VPS13C: variants seen among roughly 807,000 people sequenced by gnomAD.
The protein encoded by VPS13C is intermembrane lipid transfer protein VPS13C.
VPS13C carries 358 observed loss-of-function variants against 456.8 expected under a neutral mutation model. The ratio of observed to expected loss-of-function variants is 0.78; its 90% CI spans 0.72 to 0.86. The LOEUF (loss-of-function observed/expected upper bound fraction) is 0.86. VPS13C is among the 40% of genes least tolerant of loss of function. The probability of loss-of-function intolerance (pLI) is 0.00; values close to 1 mark genes in which losing one functional copy is unlikely to be tolerated. For missense variants in VPS13C, 4,818 were observed against 4,385.4 expected (o/e 1.10, Z -2.79); for synonymous variants, 1,578 against 1,486.7 (o/e 1.06, Z -1.41).
chr15:61,972,501 T>C (rs2045585215), intron 27 of VPS13C, 124 bp downstream of exon 27: 5 of 944,394 alleles, frequency 5.3e-6, no homozygotes, highest in Non-Finnish European at 7.9e-6. Context: ...TGCATGTGTG[T>C]TGGGCAGCAG....
chr15:61,910,567 GTTGA>G (rs921695103), intron 63 of VPS13C, among the ~76,000 whole-genome samples: 7 of 152,146 alleles, frequency 4.6e-5, no homozygotes, highest in South Asian at 2.1e-4. Flanking sequence ...TGAGGAGCCT[GTTGA>G]TTAAGAATTA....
intron 18 of VPS13C, among the ~76,000 whole-genome samples, chr15:61,985,622 A>G (rs187176093): frequency 3.5e-4 from 53 of 152,326 alleles, no homozygotes; most frequent in African/African-American, 1.1e-3. Context: ...TAAAGATTCA[A>G]TTCAGCAGCT....
rs141895961 is a variant in VPS13C, at chr15:61,880,699, A to G, written c.9912T>C (p.Ile3304=). Residue 3304 remains isoleucine (I), a synonymous_variant, in exon 73 of 85, where the codon ATT becomes ATC. Coordinates refer to ENST00000644861, the MANE Select transcript of VPS13C (RefSeq NM_020821.3). ...RRRTKLIQQD[I]DALNAELMET... Reference sequence around the variant, plus strand: ...CCATTAATTCTGCATTTAGAGCATCAATATCTTGTTGGATTAACTTTGTCT... The same window carrying G: ...CCATTAATTCTGCATTTAGAGCATCGATATCTTGTTGGATTAACTTTGTCT... 5.7e-6 allele frequency: 9 copies of G among 1,589,602 alleles called. No individual in the cohort carries two copies. In the African/African-American group the frequency reaches 8.2e-5, roughly 14 times the overall value.
At chr15:61,857,959 C>T (rs1002832035) in intron 82 of VPS13C, among the ~76,000 whole-genome samples, 16 of 152,108 alleles carry the variant, frequency 1.1e-4, no homozygotes, top group African/African-American at 3.6e-4. Flanking sequence ...ACATCCCTAG[C>T]CCCAGCCTAG....
In VPS13C at chr15:61,882,711, T is replaced by C; in HGVS notation, c.9509A>G (p.Glu3170Gly). The C allele has an allele frequency of 1.3e-6, 2 of 1,587,982 alleles. No homozygotes were observed. Among genetic ancestry groups the C allele is most frequent in the African/African-American group, 2.7e-5 (2 of 73,848 alleles). ...FEVNFDKDPM[E>G]MRLPIRSPIK... ...AGGGCTACGAATAGGGAGGCGCATT[T>C]CCATTGGATCTTTATCAAAATTGAC... The change falls in exon 69 of 85, where the codon GAA becomes GGA. Residue 3170 changes from glutamate to glycine, a missense_variant. Transcript: ENST00000644861.
rs1302949529 is a variant in VPS13C at position 61,983,816 on chromosome 15, T to C, written c.1914+4A>G. On this transcript the variant is annotated splice_donor_region_variant and intron_variant, in intron 20 of 84. Coordinates refer to ENST00000644861, the MANE Select transcript of VPS13C (RefSeq NM_020821.3). The stretch of plus-strand genomic sequence containing the variant: ...ATAAAGAGTTACTTTCTCCTTGCAC[T>C]TACAGCATCATAGATGACCTCCACA... 2 of 1,613,124 alleles carry C rather than the reference T, an allele frequency of 1.2e-6. No homozygotes were observed. The highest frequency in any genetic ancestry group is 1.7e-6 in the Non-Finnish European group (2 of 1,179,778).
intron 53 of VPS13C, among the ~76,000 whole-genome samples, chr15:61,923,079 T>C (rs75896175): frequency 1.3e-5 from 2 of 152,166 alleles, no homozygotes; most frequent in Non-Finnish European, 2.9e-5. Flanking sequence ...AGCAAAACAG[T>C]GTTATGTGAA....
chr15:61,993,539 T>C (rs977798803), intron 16 of VPS13C, among the ~76,000 whole-genome samples: 4 of 152,118 alleles, frequency 2.6e-5, no homozygotes, highest in Admixed American at 2.6e-4. Flanking sequence ...AAGCCATTAT[T>C]AGCATTAGCG....
rs564383235 is a variant in VPS13C, at chr15:61,981,266, A to C, written c.2166+76T>G. On this transcript the variant is annotated intron_variant, in intron 22 of 84. Transcript: ENST00000644861. ...TTTAGTTTAGTGAACTCTGAAGAAA[A>C]AAACAGCAAACTGTTGGAGAGTTAG... 2.1e-6 allele frequency: 3 copies of C among 1,460,568 alleles called. No individual in the cohort carries two copies. The East Asian group carries it at 7.3e-5, about 36-fold the overall frequency. 90.5% of individuals were successfully genotyped at this position (1,460,568 alleles called of 1,614,324 possible).
chr15:61,852,781 G>T lies in VPS13C; in HGVS notation c.*1676C>A, dbSNP rs980785959. 27 of 152,108 alleles carry T rather than the reference G, an allele frequency of 1.8e-4. No homozygotes were observed. Among genetic ancestry groups the T allele is most frequent in the African/African-American group, 5.1e-4 (21 of 41,508 alleles). The allele number at this position is 152,108 out of a possible 1,614,324, so 9.4% of individuals were successfully genotyped here. A position where few individuals can be genotyped will look rare whatever the true frequency, so the allele number is the denominator to read the frequency against. ...ATACTTTACAGAAAAAAATAATTTT[G>T]AAAAAGTAATGACAAACAGAGATCA... On this transcript the variant is annotated 3_prime_UTR_variant, in exon 85 of 85. Transcript: ENST00000644861.
rs1264700876 is a variant in VPS13C at position 61,915,619 on chromosome 15, G to A, written c.8445+14C>T. 4.5e-6 allele frequency: 7 copies of A among 1,560,806 alleles called. No homozygotes were observed. Among genetic ancestry groups the A allele is most frequent in the Non-Finnish European group, 5.2e-6 (6 of 1,159,918 alleles). On this transcript the variant is annotated intron_variant, in intron 61 of 84. Transcript: ENST00000644861. Reference sequence around the variant, plus strand: ...ATTTATCTGCTTTAACTTATTATGTGAACAAAACCACACCTTATTTTTAGT... The same window carrying A: ...ATTTATCTGCTTTAACTTATTATGTAAACAAAACCACACCTTATTTTTAGT...
At position 62,013,996 on chromosome 15, in the gene VPS13C, A is replaced by C; in HGVS notation, c.685-4T>G. The C allele has an allele frequency of 2.5e-6, 4 of 1,608,262 alleles. No homozygotes were observed. The highest frequency in any genetic ancestry group is 3.4e-6 in the Non-Finnish European group (4 of 1,176,544). On this transcript the variant is annotated splice_polypyrimidine_tract_variant and splice_region_variant and intron_variant, in intron 9 of 84. Transcript: ENST00000644861. Reference sequence around the variant, plus strand: ...GAGTCCAGTGTTCATTTGCAGTCTAAAAGAAAAAAGGGAATACCTGTGAAA... The same window carrying C: ...GAGTCCAGTGTTCATTTGCAGTCTACAAGAAAAAAGGGAATACCTGTGAAA...
In VPS13C at chr15:61,967,361, C is replaced by A; in HGVS notation, c.2991+7G>T. 3 of 1,598,816 alleles carry A rather than the reference C, an allele frequency of 1.9e-6. No individual in the cohort carries two copies. Among genetic ancestry groups the A allele is most frequent in the Non-Finnish European group, 2.6e-6 (3 of 1,170,524 alleles). On this transcript the variant is annotated splice_region_variant and intron_variant, in intron 29 of 84. Coordinates refer to ENST00000644861, the MANE Select transcript of VPS13C (RefSeq NM_020821.3). The stretch of plus-strand genomic sequence containing the variant: ...CAATAAATATATAATCATTCTATAG[C>A]CCTTACCTTAATATACTCCACTTTC...
At chr15:61,936,346 T>G (rs978008813) in intron 48 of VPS13C, among the ~76,000 whole-genome samples, 1 of 152,186 alleles carries the variant, frequency 6.6e-6, no homozygotes, top group Non-Finnish European at 1.5e-5. Flanking sequence ...GCCACTTCAG[T>G]GCCTAGTGAA....
intron 67 of VPS13C, among the ~76,000 whole-genome samples, chr15:61,889,026 T>C (rs980618145): frequency 2.0e-5 from 3 of 152,140 alleles, no homozygotes; most frequent in Non-Finnish European, 4.4e-5. Context: ...TCAAAAAAAG[T>C]GATTTTTAAA....
chr15:62,010,691 T>A, intron 12 of VPS13C, 92 bp from the exon 13 acceptor site: 1 of 1,246,606 alleles, frequency 8.0e-7, no homozygotes, highest in Non-Finnish European at 1.1e-6. Context: ...ACTCTAGAAG[T>A]AAAGAAAAAT....
At chr15:62,024,624 C>A (rs1245109816) in intron 6 of VPS13C, among the ~76,000 whole-genome samples, 1 of 152,028 alleles carries the variant, frequency 6.6e-6, no homozygotes, top group Non-Finnish European at 1.5e-5. Flanking sequence ...AGATTGATGT[C>A]TTTTAAAATA....
intron 30 of VPS13C, among the ~76,000 whole-genome samples, chr15:61,965,479 T>C (rs573223165): frequency 2.0e-5 from 3 of 152,002 alleles, no homozygotes; most frequent in African/African-American, 4.8e-5. Flanking sequence ...AGTTTTCTAA[T>C]AGCAAATTAA....
intron 32 of VPS13C, among the ~76,000 whole-genome samples, 171 bp downstream of exon 32, chr15:61,963,664 G>C (rs1359007514): frequency 6.6e-6 from 1 of 151,984 alleles, no homozygotes; most frequent in African/African-American, 2.4e-5. Context: ...GGGATGGTCA[G>C]ATTCTGACCA....
Sources: allele counts gnomAD v4.1 joint callset (sites outside exome capture counted in the v4.1 genomes callset), GRCh38; gene constraint gnomAD v4.1.1; transcripts MANE v1.5; gene names NCBI Gene and HGNC (gene_info 2026-07-23, HGNC 2026-07-21).